Variants in CDIN1 observed in about 807,000 individuals in gnomAD.
The protein encoded by CDIN1 is CDAN1-interacting nuclease 1.
Under a neutral mutation model 45.3 loss-of-function variants are expected in CDIN1, and 33 were observed. The ratio of observed to expected loss-of-function variants is 0.73; its 90% CI spans 0.55 to 0.97. CDIN1 has a LOEUF of 0.97. Among genes scored for constraint, CDIN1 ranks in the 50% least tolerant of loss-of-function variants. CDIN1 has a pLI of 0.00. For synonymous variants in CDIN1, 118 were observed against 124.4 expected (o/e 0.95, Z 0.34); for missense variants, 303 against 339.4 (o/e 0.89, Z 0.84).
chr15:36,695,343 A>G (rs1283212657), intron 7 of CDIN1, among the ~76,000 whole-genome samples: 1 of 152,148 alleles, frequency 6.6e-6, no homozygotes, highest in Non-Finnish European at 1.5e-5. Context: ...GAAGGTAATG[A>G]TTCACATAAT....
intron 10 of CDIN1, among the ~76,000 whole-genome samples, chr15:36,801,147 A>G (rs2055031720): frequency 6.6e-6 from 1 of 151,436 alleles, no homozygotes; most frequent in Non-Finnish European, 1.5e-5. Flanking sequence ...GACTAGATGC[A>G]GATTTATATT....
intron 10 of CDIN1, among the ~76,000 whole-genome samples, chr15:36,803,914 T>C (rs1396927621): frequency 1.3e-5 from 2 of 152,200 alleles, no homozygotes; most frequent in Non-Finnish European, 2.9e-5. Flanking sequence ...GGCTTAACCA[T>C]TGCAAAGGAC....
intron 8 of CDIN1, among the ~76,000 whole-genome samples, chr15:36,700,368 T>TCAATC (rs2042586883): frequency 1.3e-5 from 2 of 152,128 alleles, no homozygotes; most frequent in Non-Finnish European, 2.9e-5. Flanking sequence ...TCTCACTTAG[T>TCAATC]AGGTGCTCAC....
chr15:36,581,973 C>A (rs553884019), intron 1 of CDIN1, among the ~76,000 whole-genome samples: 50 of 152,266 alleles, frequency 3.3e-4, no homozygotes, highest in Admixed American at 3.1e-3. Flanking sequence ...TATACAATAT[C>A]AAAAAATTAC....
At chr15:36,771,540 T>G (rs1330760666) in intron 10 of CDIN1, among the ~76,000 whole-genome samples, 1 of 152,202 alleles carries the variant, frequency 6.6e-6, no homozygotes, top group East Asian at 1.9e-4. Context: ...GGAGGCTCAC[T>G]GGTTGCTTTC....
chr15:36,800,905 G>GTATATATATA (rs1437486563), intron 10 of CDIN1, among the ~76,000 whole-genome samples: 281 of 21,938 alleles, frequency 0.013, 1 homozygote, highest in South Asian at 0.02. Context: ...GTGTGTGTGT[G>GTATATATATA]TGTGTATATA....
At chr15:36,618,503 C>A (rs2039002881) in intron 1 of CDIN1, 3 of 1,231,062 alleles carry the variant, frequency 2.4e-6, no homozygotes, top group African/African-American at 1.5e-5. Flanking sequence ...AAGCCTCCAA[C>A]ACCAAAGTTT....
chr15:36,620,781 T>TA (rs540130181), intron 1 of CDIN1, among the ~76,000 whole-genome samples: 1 of 134,878 alleles, frequency 7.4e-6, no homozygotes, highest in African/African-American at 2.8e-5. Context: ...TAAAATATTA[T>TA]TTTTTTTTTA....
At chr15:36,620,677 T>C (rs2039143292) in intron 1 of CDIN1, among the ~76,000 whole-genome samples, 1 of 152,212 alleles carries the variant, frequency 6.6e-6, no homozygotes, top group Non-Finnish European at 1.5e-5. Flanking sequence ...GGTCCCAAGA[T>C]GGTAAGGCGG....
intron 5 of CDIN1, among the ~76,000 whole-genome samples, chr15:36,680,905 A>C (rs2041828215): frequency 6.6e-6 from 1 of 152,202 alleles, no homozygotes; most frequent in Non-Finnish European, 1.5e-5. Context: ...TGGTCTTTGC[A>C]AAACTAAACA....
intron 5 of CDIN1, among the ~76,000 whole-genome samples, chr15:36,679,539 G>A (rs561304227): frequency 9.2e-5 from 14 of 152,132 alleles, no homozygotes; most frequent in Non-Finnish European, 1.9e-4. Context: ...GCTCATAACC[G>A]CTTATCCTTA....
intron 1 of CDIN1, among the ~76,000 whole-genome samples, chr15:36,611,889 G>C (rs1595741868): frequency 6.6e-6 from 1 of 152,198 alleles, no homozygotes; most frequent in Non-Finnish European, 1.5e-5. Context: ...ATAACATATA[G>C]TAGGAATTTA....
At chr15:36,685,892 T>C (rs969999322) in intron 5 of CDIN1, among the ~76,000 whole-genome samples, 1 of 151,986 alleles carries the variant, frequency 6.6e-6, no homozygotes, top group African/African-American at 2.4e-5. Flanking sequence ...ATGGCAATCA[T>C]TAAAAAGTCA....
chr15:36,801,533 C>T (rs2055046801), intron 10 of CDIN1, among the ~76,000 whole-genome samples: 1 of 152,102 alleles, frequency 6.6e-6, no homozygotes, highest in Admixed American at 6.6e-5. Context: ...AAATCTCTAC[C>T]TCATACGTTC....
At chr15:36,631,336 G>T (rs1385205753) in intron 1 of CDIN1, among the ~76,000 whole-genome samples, 1 of 152,106 alleles carries the variant, frequency 6.6e-6, no homozygotes, top group Non-Finnish European at 1.5e-5. Context: ...TCACGAAGTT[G>T]TACAACCGTC....
intron 10 of CDIN1, among the ~76,000 whole-genome samples, chr15:36,776,580 G>A (rs139992112): frequency 5.9e-5 from 9 of 152,226 alleles, no homozygotes; most frequent in East Asian, 1.9e-4. Flanking sequence ...ATTATTCTTC[G>A]TGCTAAAAGG....
intron 10 of CDIN1, among the ~76,000 whole-genome samples, chr15:36,794,653 A>C (rs1393493988): frequency 1.3e-5 from 2 of 152,152 alleles, no homozygotes; most frequent in African/African-American, 4.8e-5. Flanking sequence ...AGACTGTGTA[A>C]TATTCCATTG....
At chr15:36,610,825 T>A (rs1450274760) in intron 1 of CDIN1, among the ~76,000 whole-genome samples, 1 of 152,216 alleles carries the variant, frequency 6.6e-6, no homozygotes, top group Non-Finnish European at 1.5e-5. Flanking sequence ...TTCTGTCTGC[T>A]TTTAGAACTT....
chr15:36,697,668 A>G (rs74008749), intron 8 of CDIN1, among the ~76,000 whole-genome samples: 3,955 of 152,288 alleles, frequency 0.026, 177 homozygotes, highest in African/African-American at 0.091. Context: ...ATTAACCATA[A>G]TCTAGCCCTT....
Sources: allele counts gnomAD v4.1 joint callset (sites outside exome capture counted in the v4.1 genomes callset), GRCh38; gene constraint gnomAD v4.1.1; transcripts MANE v1.5; gene names NCBI Gene and HGNC (gene_info 2026-07-23, HGNC 2026-07-21).